The following USP6NL variants were observed in gnomAD, a reference collection of about 807,000 sequenced individuals.
USP6NL encodes USP6 N-terminal-like protein.
USP6NL carries 26 observed loss-of-function variants against 61.9 expected under a neutral mutation model. The ratio of observed to expected loss-of-function variants is 0.42; its 90% CI spans 0.31 to 0.58. The LOEUF is 0.58. Ranked by LOEUF, USP6NL falls within the 20% of genes least tolerant of loss-of-function variation. USP6NL has a pLI of 0.16. For missense variants in USP6NL, 1,114 were observed against 1,034.3 expected, an observed-to-expected ratio of 1.08 and a Z score of -1.06; for synonymous variants, 432 against 390.1, an observed-to-expected ratio of 1.11 and a Z score of -1.27.
At chr10:11,605,791 T>A (rs12254020) in intron 1 of USP6NL, among the ~76,000 whole-genome samples, 1,738 of 152,210 alleles carry the variant, frequency 0.011, 37 homozygotes, top group African/African-American at 0.038. Flanking sequence ...AACTTAGTCC[T>A]GGAAGGTAGC....
At chr10:11,555,488 A>AGAGAGG (rs1836677294) in intron 2 of USP6NL, among the ~76,000 whole-genome samples, 1 of 142,568 alleles carries the variant, frequency 7.0e-6, no homozygotes, top group South Asian at 2.3e-4. Context: ...AGAGAGAGAG[A>AGAGAGG]GAGAGAAGAG....
intron 2 of USP6NL, among the ~76,000 whole-genome samples, chr10:11,543,803 GTTTTTT>G (rs781443038): frequency 3.4e-3 from 258 of 76,372 alleles, no homozygotes; most frequent in African/African-American, 0.011. Context: ...AAATATTTAG[GTTTTTT>G]TTTTTTTTTT....
rs908571797 is a variant in USP6NL, at chr10:11,463,048, G to A, written c.1880C>T (p.Ala627Val). ...SQLDGEARGLAHPPSYSNPPV... is the reference protein window; with the variant it reads ...SQLDGEARGLVHPPSYSNPPV... ...GGGATTGCTGTAGGAGGGGGGATGA[G>A]CTAGCCCTCGGGCTTCCCCATCTAG... Residue 627 changes from alanine to valine, a missense_variant, in exon 15 of 15, where the codon GCT becomes GTT. Coordinates refer to ENST00000609104, the MANE Select transcript of USP6NL (RefSeq NM_014688.5). This position sits in a 1 kb window ranked among gnomAD's most constrained non-coding sequence, Gnocchi z 6.3. The A allele has an allele frequency of 2.5e-6, 4 of 1,614,042 alleles. No individual in the cohort carries two copies. Among genetic ancestry groups the A allele is most frequent in the Non-Finnish European group, 3.4e-6 (4 of 1,179,898 alleles).
intron 14 of USP6NL, among the ~76,000 whole-genome samples, chr10:11,480,387 T>A (rs1321016912): frequency 6.6e-6 from 1 of 152,204 alleles, no homozygotes; most frequent in East Asian, 1.9e-4. Context: ...TATTTGACTT[T>A]TACTAAAATT....
In USP6NL at chr10:11,590,727, G is replaced by A. The variant is rs73570816; in HGVS notation, c.4+6904C>T. ...AAACTAATGAAAGAGATAACAAGAC[G>A]AATATTTAAGAGGATTAATTTGAAA... On this transcript the variant is annotated intron_variant, in intron 2 of 14. Transcript: ENST00000609104. Among the ~76,000 whole-genome samples the A allele has an allele frequency of 8.5e-3, 1,297 of 151,980 alleles. 17 individuals are homozygous for A. The highest frequency in any genetic ancestry group is 0.029 in the African/African-American group (1,220 of 41,422).
At chr10:11,606,033 C>A (rs1838696708) in intron 1 of USP6NL, among the ~76,000 whole-genome samples, 1 of 151,864 alleles carries the variant, frequency 6.6e-6, no homozygotes. Flanking sequence ...ATATCTCAAA[C>A]AAGAAATGGT....
intron 4 of USP6NL, among the ~76,000 whole-genome samples, chr10:11,524,495 T>C (rs1018791248): frequency 2.0e-5 from 3 of 152,108 alleles, no homozygotes; most frequent in Admixed American, 6.5e-5. Context: ...TTTCTGTCTG[T>C]TGGTTGGTTG....
intron 2 of USP6NL, among the ~76,000 whole-genome samples, chr10:11,588,600 A>T (rs1838056162): frequency 6.6e-6 from 1 of 152,202 alleles, no homozygotes; most frequent in Non-Finnish European, 1.5e-5. Flanking sequence ...GAGAAGAGAC[A>T]CACACTAATG....
intron 2 of USP6NL, among the ~76,000 whole-genome samples, chr10:11,544,897 G>A (rs1335339431): frequency 6.6e-6 from 1 of 152,098 alleles, no homozygotes; most frequent in Non-Finnish European, 1.5e-5. Flanking sequence ...AAATCATGAA[G>A]CAAAATTATA....
chr10:11,550,452 GTT>G (rs1321617022), intron 2 of USP6NL, among the ~76,000 whole-genome samples: 1 of 152,036 alleles, frequency 6.6e-6, no homozygotes, highest in African/African-American at 2.4e-5. Context: ...TTCGGGTTTT[GTT>G]TTTTAAAAAA....
chr10:11,565,063 G>A (rs1185619289), intron 2 of USP6NL: 2 of 152,190 alleles, frequency 1.3e-5, no homozygotes, highest in East Asian at 1.9e-4. Context: ...AGGAGTTAAC[G>A]TTTCTACAGT....
chr10:11,605,048 T>C (rs1048970872), intron 1 of USP6NL, among the ~76,000 whole-genome samples: 2 of 152,132 alleles, frequency 1.3e-5, no homozygotes, highest in African/African-American at 4.8e-5. Flanking sequence ...GTACATTATA[T>C]GTGTATTCCT....
intron 2 of USP6NL, among the ~76,000 whole-genome samples, chr10:11,550,613 G>C (rs1354234064): frequency 1.3e-5 from 2 of 151,762 alleles, no homozygotes; most frequent in Non-Finnish European, 2.9e-5. Context: ...AAAATTAGCC[G>C]GGCGTGGTGG....
At position 11,510,254 on chromosome 10, in the gene USP6NL, T is replaced by C. The variant is rs1216406981; in HGVS notation, c.196-579A>G. Among the ~76,000 whole-genome samples the C allele has an allele frequency of 6.6e-6, 1 of 152,140 alleles. No individual in the cohort carries two copies. Among genetic ancestry groups the C allele is most frequent in the African/African-American group, 2.4e-5 (1 of 41,438 alleles). Reference sequence around the variant, plus strand: ...GAACACACTGCGTTGTGGCAGGCACTGGCACAGGCAGGAAGGGCCACGGCA... The same window carrying C: ...GAACACACTGCGTTGTGGCAGGCACCGGCACAGGCAGGAAGGGCCACGGCA... On this transcript the variant is annotated intron_variant, in intron 5 of 14. Coordinates refer to ENST00000609104, the MANE Select transcript of USP6NL (RefSeq NM_014688.5). The surrounding 1 kb of genome is among the most constrained non-coding windows in gnomAD (Gnocchi z 4.8).
rs1399617523 is a variant in USP6NL, at chr10:11,490,809, T to G, written c.543+23A>C. 1 of 1,551,290 alleles carries G rather than the reference T, an allele frequency of 6.4e-7. No homozygotes were observed. The highest frequency in any genetic ancestry group is 8.7e-7 in the Non-Finnish European group (1 of 1,147,900). ...ACCTCAGAATACAACTCAAAGACCT[T>G]GGGCAGGCAGGCCCCAACTTACCGT... On this transcript the variant is annotated intron_variant, in intron 9 of 14. Transcript: ENST00000609104. The surrounding 1 kb of genome is among the most constrained non-coding windows in gnomAD (Gnocchi z 4.5).
chr10:11,554,979 T>TTTTTTTTTTTTTTTTTTTTC, intron 2 of USP6NL, among the ~76,000 whole-genome samples: 1 of 148,046 alleles, frequency 6.8e-6, no homozygotes, highest in Non-Finnish European at 1.5e-5. Context: ...TTTTTTTTTT[T>TTTTTTTTTTTTTTTTTTTTC]TTTTTTACTA....
intron 2 of USP6NL, among the ~76,000 whole-genome samples, chr10:11,565,873 C>T (rs1410770997): frequency 6.6e-6 from 1 of 152,036 alleles, no homozygotes; most frequent in Admixed American, 6.6e-5. Flanking sequence ...ATTACTTGAA[C>T]AAACGTAGTT....
Position 11,463,494 on chromosome 10 carries a change from A to G in USP6NL, c.1434T>C (p.Asn478=). The part of the protein sequence containing the change: ...AANQNSNATS[N]IRKEFVPKWN... ...ATTTGGGCACAAACTCCTTCCTGAT[A>G]TTTGAAGTGGCGTTGCTATTTTGGT... Residue 478 remains asparagine (N), a synonymous_variant, in exon 15 of 15, where the codon AAT becomes AAC. Transcript: ENST00000609104. This position sits in a 1 kb window ranked among gnomAD's most constrained non-coding sequence, Gnocchi z 6.3. The G allele has an allele frequency of 6.2e-7, 1 of 1,613,954 alleles. No individual in the cohort carries two copies. Among genetic ancestry groups the G allele is most frequent in the South Asian group, 1.1e-5 (1 of 91,084 alleles).
rs1309557615 is a variant in USP6NL, at chr10:11,597,987, C to T, written c.-83-270G>A. On this transcript the variant is annotated intron_variant, in intron 1 of 14. Coordinates refer to ENST00000609104, the MANE Select transcript of USP6NL (RefSeq NM_014688.5). The surrounding 1 kb of genome is among the most constrained non-coding windows in gnomAD (Gnocchi z 4.6). ...TAGAAACTTACTAACAGGTGTCCTT[C>T]GTCTTCAACACTAAAAACATTTCTT... Among the ~76,000 whole-genome samples the T allele has an allele frequency of 1.3e-5, 2 of 152,152 alleles. No individual in the cohort carries two copies. Among genetic ancestry groups the T allele is most frequent in the South Asian group, 2.1e-4 (1 of 4,820 alleles).
Sources: gnomAD v4.1 joint callset for allele counts (sites outside exome capture counted in the v4.1 genomes callset) on GRCh38, gnomAD v4.1.1 for gene constraint, Gnocchi (gnomAD v3.1) non-coding constraint, MANE v1.5 for transcripts, NCBI Gene and HGNC (gene_info 2026-07-23, HGNC 2026-07-21) for gene names.